The following CDS1 variants were observed in gnomAD, a reference collection of about 807,000 sequenced individuals.
CDS1 encodes the protein phosphatidate cytidylyltransferase 1.
CDS1 carries 41 observed loss-of-function variants against 62.1 expected under a neutral mutation model. That is an observed-to-expected ratio of 0.66 (90% CI 0.51 to 0.86). The LOEUF (loss-of-function observed/expected upper bound fraction) is 0.86. Ranked by LOEUF, CDS1 falls within the 40% of genes least tolerant of loss-of-function variation. The pLI is 0.00. For missense variants in CDS1, 470 were observed against 550.1 expected, an observed-to-expected ratio of 0.85 and a Z score of 1.46; for synonymous variants, 185 against 192.6, an observed-to-expected ratio of 0.96 and a Z score of 0.32.
chr4:84,639,023 A>G (rs1724300680), intron 9 of CDS1, 31 bp downstream of exon 9: 1 of 1,135,896 alleles, frequency 8.8e-7, no homozygotes, highest in Non-Finnish European at 1.2e-6. Flanking sequence ...TATTTTGTAT[A>G]CATTTCGAAA....
intron 5 of CDS1, 64 bp downstream of exon 5, chr4:84,619,597 C>G: frequency 1.0e-6 from 1 of 1,004,512 alleles, no homozygotes; most frequent in Non-Finnish European, 1.4e-6. Flanking sequence ...ATTTTTATTT[C>G]TGTTATTTTA....
chr4:84,630,931 T>C (rs1724000379), intron 5 of CDS1, among the ~76,000 whole-genome samples: 1 of 152,232 alleles, frequency 6.6e-6, no homozygotes. Flanking sequence ...CGTTTACTGG[T>C]ATTTTTGGCA....
chr4:84,611,717 T>A (rs1723329923), intron 3 of CDS1, among the ~76,000 whole-genome samples: 1 of 152,200 alleles, frequency 6.6e-6, no homozygotes, highest in East Asian at 1.9e-4. Context: ...TGCTAAGATC[T>A]TAAAGTGCTT....
At chr4:84,610,446 G>A (rs1404688292) in intron 3 of CDS1, among the ~76,000 whole-genome samples, 1 of 152,176 alleles carries the variant, frequency 6.6e-6, no homozygotes, top group Non-Finnish European at 1.5e-5. Context: ...TGTGTGGGAA[G>A]CTCAGTAAGT....
At chr4:84,623,499 AC>A (rs1723753317) in intron 5 of CDS1, among the ~76,000 whole-genome samples, 1 of 152,092 alleles carries the variant, frequency 6.6e-6, no homozygotes, top group Non-Finnish European at 1.5e-5. Context: ...AGGCCTACTA[AC>A]AGTTTTCTAT....
chr4:84,607,409 A>C, intron 2 of CDS1, among the ~76,000 whole-genome samples: 1 of 150,736 alleles, frequency 6.6e-6, no homozygotes, highest in East Asian at 2.0e-4. Context: ...TCAGCCCCCA[A>C]CATGCCCCGC....
intron 5 of CDS1, among the ~76,000 whole-genome samples, chr4:84,625,638 G>C (rs563949135): frequency 3.3e-5 from 5 of 152,228 alleles, no homozygotes; most frequent in African/African-American, 1.2e-4. Context: ...AGGGAAGGTA[G>C]GTAGGAGCCA....
At chr4:84,609,196 A>AG (rs1448220248) in intron 2 of CDS1, among the ~76,000 whole-genome samples, 56 of 151,688 alleles carry the variant, frequency 3.7e-4, no homozygotes, top group African/African-American at 1.2e-3. Context: ...AAAAAAAAAA[A>AG]AAAAAGAAAA....
intron 5 of CDS1, among the ~76,000 whole-genome samples, chr4:84,625,488 G>A (rs1203687486): frequency 6.6e-6 from 1 of 152,070 alleles, no homozygotes. Context: ...GAGATGACAG[G>A]TTTCATGAAA....
At chr4:84,615,334 C>T (rs141121346) in intron 3 of CDS1, among the ~76,000 whole-genome samples, 232 of 152,146 alleles carry the variant, frequency 1.5e-3, no homozygotes, top group African/African-American at 5.4e-3. Context: ...ACTCTTGTCA[C>T]CGCCCCAGCC....
At chr4:84,632,533 A>G (rs1724055931) in intron 6 of CDS1, among the ~76,000 whole-genome samples, 1 of 152,132 alleles carries the variant, frequency 6.6e-6, no homozygotes, top group African/African-American at 2.4e-5. Flanking sequence ...TTTCTCCATT[A>G]AGACATTCTG....
rs183798826 is a variant in CDS1 at position 84,593,252 on chromosome 4, G to A, written c.117+9734G>A. 3.2e-3 allele frequency among the ~76,000 whole-genome samples: 491 copies of A among 152,076 alleles called. 2 individuals carry two copies. Among genetic ancestry groups the A allele is most frequent in the African/African-American group, 0.012 (478 of 41,482 alleles). On this transcript the variant is annotated intron_variant, in intron 1 of 12. Coordinates refer to ENST00000295887, the MANE Select transcript of CDS1 (RefSeq NM_001263.4). The stretch of plus-strand genomic sequence containing the variant: ...ACTGCTTTTAATAAATATGAGGTTG[G>A]TACAAAAAGGTATACAAAGTATACA...
intron 5 of CDS1, among the ~76,000 whole-genome samples, chr4:84,624,868 C>CT (rs35000359): frequency 4.0e-5 from 6 of 150,040 alleles, no homozygotes; most frequent in African/African-American, 9.8e-5. Flanking sequence ...AATGTTGTGT[C>CT]TTTTTTTTTT....
chr4:84,600,893 G>A (rs1330002749), intron 1 of CDS1, among the ~76,000 whole-genome samples: 2 of 152,186 alleles, frequency 1.3e-5, no homozygotes, highest in Non-Finnish European at 2.9e-5. Flanking sequence ...GGGAGGCTGG[G>A]CACGGTGGCT....
intron 1 of CDS1, among the ~76,000 whole-genome samples, chr4:84,592,749 G>T (rs545424413): frequency 2.0e-5 from 3 of 152,308 alleles, no homozygotes; most frequent in Non-Finnish European, 4.4e-5. Flanking sequence ...TAAGAAAGCA[G>T]TGTTGCTTTT....
intron 1 of CDS1, among the ~76,000 whole-genome samples, chr4:84,602,724 T>G (rs1578023731): frequency 6.6e-6 from 1 of 152,298 alleles, no homozygotes; most frequent in African/African-American, 2.4e-5. Context: ...GTGTTTCCCT[T>G]GTTCTAGATG....
intron 2 of CDS1, among the ~76,000 whole-genome samples, chr4:84,608,871 C>T (rs1723216730): frequency 6.6e-6 from 1 of 151,992 alleles, no homozygotes. Context: ...TCCCCACTCA[C>T]ATTTAACAAA....
In CDS1 at chr4:84,604,350, T is replaced by C. The variant is rs1157120750; in HGVS notation, c.225T>C (p.Ala75=). The change falls in exon 2 of 13, where the codon GCT becomes GCC. Residue 75 remains alanine, a synonymous_variant. Coordinates refer to ENST00000295887, the MANE Select transcript of CDS1 (RefSeq NM_001263.4). The part of the protein sequence containing the change: ...SDRTPEILKK[A]LSGLSSRWKN... ...GAACCCCTGAGATTCTCAAAAAAGC[T>C]CTATCTGGTTTATCTTCAAGGTATG... 4 of 1,613,270 alleles carry C rather than the reference T, an allele frequency of 2.5e-6. No homozygotes were observed. The Admixed American group carries it at 6.7e-5, about 27-fold the overall frequency.
chr4:84,639,267 A>G (rs149961308), intron 9 of CDS1, among the ~76,000 whole-genome samples: 2 of 152,272 alleles, frequency 1.3e-5, no homozygotes, highest in African/African-American at 4.8e-5. Flanking sequence ...TGTCTTGCTG[A>G]CTTGCTGACT....
Sources: gnomAD v4.1 joint callset for allele counts (sites outside exome capture counted in the v4.1 genomes callset) on GRCh38, gnomAD v4.1.1 for gene constraint, MANE v1.5 for transcripts, NCBI Gene and HGNC (gene_info 2026-07-23, HGNC 2026-07-21) for gene names.